The following PRKAR1A variants were observed in gnomAD, a reference collection of about 807,000 sequenced individuals.
PRKAR1A encodes the protein protein kinase cAMP-dependent type I regulatory subunit alpha.
Under a neutral mutation model 52.0 loss-of-function variants are expected in PRKAR1A, and 3 were observed. The observed-to-expected ratio is 0.06, with a 90% CI of 0.03 to 0.15. PRKAR1A has a LOEUF of 0.15. Ranked by LOEUF, PRKAR1A falls within the 10% of genes least tolerant of loss-of-function variation. The pLI, the probability that PRKAR1A is intolerant of heterozygous loss-of-function variation, is 1.00. For missense variants in PRKAR1A, 240 were observed against 477.4 expected (o/e 0.50, Z 4.63); for synonymous variants, 188 against 168.4 (o/e 1.12, Z -0.90).
the PRKAR1A span, among the ~76,000 whole-genome samples, chr17:68,478,814 G>A: frequency 2.0e-5 from 3 of 150,154 alleles, no homozygotes; most frequent in Non-Finnish European, 4.4e-5. Flanking sequence ...TGCAACCTCC[G>A]CCTCCCGGAT....
the PRKAR1A span, among the ~76,000 whole-genome samples, chr17:68,475,644 A>G: frequency 1.3e-5 from 2 of 152,068 alleles, no homozygotes; most frequent in African/African-American, 4.8e-5. Context: ...TTGTATTTTT[A>G]GTAGAGACGG....
rs751501857 is a variant in PRKAR1A, at chr17:68,525,756, C to G, written c.552C>G (p.Val184=). ...FYVIDQGETD[V]YVNNEWATSV... ...TTTTGATGTCACTTGCACTTTAGGT[C>G]TATGTTAACAATGAATGGGCAACCA... The change falls in exon 7 of 11, where the codon GTC becomes GTG. Residue 184 remains valine (V), a splice_region_variant and synonymous_variant. Coordinates refer to ENST00000589228, the MANE Select transcript of PRKAR1A (RefSeq NM_002734.5). The G allele has an allele frequency of 9.3e-6, 15 of 1,613,496 alleles. No homozygotes were observed. In the African/African-American group the frequency reaches 2.0e-4, roughly 22 times the overall value.
the PRKAR1A span, among the ~76,000 whole-genome samples, chr17:68,467,718 T>G: frequency 6.6e-6 from 1 of 152,192 alleles, no homozygotes; most frequent in South Asian, 2.1e-4. Flanking sequence ...ATCCCAGGCT[T>G]TCCTTCCTGG....
At chr17:68,503,338 T>G in the PRKAR1A span, among the ~76,000 whole-genome samples, 1 of 152,234 alleles carries the variant, frequency 6.6e-6, no homozygotes, top group Non-Finnish European at 1.5e-5. Flanking sequence ...AAGGTACTTT[T>G]GCCATGTGAT....
the PRKAR1A span, among the ~76,000 whole-genome samples, chr17:68,483,343 TG>T: frequency 8.6e-4 from 131 of 152,010 alleles, no homozygotes; most frequent in Middle Eastern, 6.8e-3. Context: ...AAGCTGGGCA[TG>T]GTGGCCAGCC....
chr17:68,434,775 G>T, the PRKAR1A span: 1 of 743,000 alleles, frequency 1.3e-6, no homozygotes, highest in Non-Finnish European at 2.2e-6. Flanking sequence ...GTTTATTTAT[G>T]TGCCATATCA....
the PRKAR1A span, chr17:68,433,472 T>C: frequency 6.2e-7 from 1 of 1,613,978 alleles, no homozygotes; most frequent in Non-Finnish European, 8.5e-7. Context: ...ACTTGCCTGT[T>C]GGTGACCTGT....
chr17:68,530,731 T>C lies in PRKAR1A; in HGVS notation c.*282T>C, dbSNP rs2085952420. On this transcript the variant is annotated 3_prime_UTR_variant, in exon 11 of 11. Transcript: ENST00000589228. The stretch of plus-strand genomic sequence containing the variant: ...TCACCCTGGGCAGTGAGTGCCATGC[T>C]TTTTGGTGAGGGCAGATCCCAGCAC... 7.4e-7 allele frequency: 1 copy of C among 1,348,890 alleles called. No homozygotes were observed. The highest frequency in any genetic ancestry group is 9.6e-7 in the Non-Finnish European group (1 of 1,045,500). The allele number at this position is 1,348,890 out of a possible 1,614,324, so 83.6% of individuals were successfully genotyped here.
intron 5 of PRKAR1A, 105 bp downstream of exon 5, chr17:68,524,182 C>G: frequency 8.6e-7 from 1 of 1,162,572 alleles, no homozygotes. Context: ...TTGATCCTAC[C>G]ACTTTTTTTT....
the PRKAR1A span, among the ~76,000 whole-genome samples, chr17:68,458,355 C>G: frequency 6.6e-6 from 1 of 152,190 alleles, no homozygotes; most frequent in East Asian, 1.9e-4. Flanking sequence ...GCTTTCAAGA[C>G]CTGTGCACTA....
Position 68,530,969 on chromosome 17 carries a change from T to G in PRKAR1A, c.*520T>G. 9.3e-7 allele frequency: 1 copy of G among 1,080,290 alleles called. No homozygotes were observed. The highest frequency in any genetic ancestry group is 1.1e-6 in the Non-Finnish European group (1 of 887,048). 66.9% of individuals were successfully genotyped at this position (1,080,290 alleles called of 1,614,324 possible). A position where few individuals can be genotyped will look rare whatever the true frequency, so the allele number is the denominator to read the frequency against. On this transcript the variant is annotated 3_prime_UTR_variant, in exon 11 of 11. Transcript: ENST00000589228. ...GACATCTGCCTGTAATTAAACTAGT[T>G]TAAGGGTGGAAAAATGCCCATTTTT...
chr17:68,493,479 CT>C, the PRKAR1A span, among the ~76,000 whole-genome samples: 12 of 152,272 alleles, frequency 7.9e-5, no homozygotes, highest in African/African-American at 2.9e-4. Context: ...CGTGTTCTTA[CT>C]TTTTTGCAGC....
At chr17:68,546,721 T>C (rs539213905) in intron 11 of PRKAR1A, among the ~76,000 whole-genome samples, 315 of 151,026 alleles carry the variant, frequency 2.1e-3, no homozygotes, top group Admixed American at 4.1e-3. Flanking sequence ...TCCCAGCCAC[T>C]CGGGAGGCTG....
At chr17:68,487,064 G>A in the PRKAR1A span, among the ~76,000 whole-genome samples, 3 of 151,934 alleles carry the variant, frequency 2.0e-5, no homozygotes, top group Non-Finnish European at 2.9e-5. Context: ...AGTAGAGATG[G>A]GATTTCACCA....
the PRKAR1A span, chr17:68,428,739 A>G: frequency 1.0e-6 from 1 of 972,804 alleles, no homozygotes; most frequent in South Asian, 1.4e-5. Context: ...AAATCAATGC[A>G]AGGGCACTGA....
upstream of PRKAR1A, chr17:68,511,981 G>C (rs972139955): frequency 1.3e-5 from 2 of 152,604 alleles, no homozygotes; most frequent in African/African-American, 4.8e-5. Context: ...GGAGGGGGTG[G>C]AAAGGAGGGA....
chr17:68,450,314 T>G, the PRKAR1A span, among the ~76,000 whole-genome samples: 1 of 152,226 alleles, frequency 6.6e-6, no homozygotes, highest in Non-Finnish European at 1.5e-5. Context: ...CTCAGGCATC[T>G]CCTGCTCAGT....
At chr17:68,511,097 T>C (rs908986086), upstream of PRKAR1A, among the ~76,000 whole-genome samples, 4 of 152,264 alleles carry the variant, frequency 2.6e-5, no homozygotes, top group African/African-American at 4.8e-5. Context: ...CTTTTTTGTA[T>C]TGTGTTGAGT....
At chr17:68,511,966 G>C (rs1179508998), upstream of PRKAR1A, 3 of 152,540 alleles carry the variant, frequency 2.0e-5, no homozygotes, top group Non-Finnish European at 2.9e-5. Flanking sequence ...ACGTGGGTCG[G>C]CCAGGGAGGG....
Sources: gnomAD v4.1 joint callset for allele counts (sites outside exome capture counted in the v4.1 genomes callset) on GRCh38, gnomAD v4.1.1 for gene constraint, MANE v1.5 for transcripts, NCBI Gene and HGNC (gene_info 2026-07-23, HGNC 2026-07-21) for gene names.